NF2: variants seen among roughly 807,000 people sequenced by gnomAD.
The protein encoded by NF2 is merlin.
Under a neutral mutation model 83.7 loss-of-function variants are expected in NF2, and 8 were observed. The ratio of observed to expected loss-of-function variants is 0.10; its 90% CI spans 0.06 to 0.17. The LOEUF is 0.17. Among genes scored for constraint, NF2 ranks in the 10% least tolerant of loss-of-function variants. The pLI, the probability that NF2 is intolerant of heterozygous loss-of-function variation, is 1.00. For synonymous variants in NF2, 266 were observed against 269.6 expected (o/e 0.99, Z 0.13); for missense variants, 533 against 744.4 (o/e 0.72, Z 3.31).
chr22:29,606,105 C>A (rs921885009), intron 1 of NF2, among the ~76,000 whole-genome samples: 1 of 152,212 alleles, frequency 6.6e-6, no homozygotes, highest in Non-Finnish European at 1.5e-5. Context: ...CAGGCTTGCG[C>A]CACCATGTCT....
At chr22:29,618,003 A>T (rs578014755) in intron 1 of NF2, among the ~76,000 whole-genome samples, 160 of 152,352 alleles carry the variant, frequency 1.1e-3, no homozygotes, top group African/African-American at 3.7e-3. Flanking sequence ...TGGAATGCAT[A>T]GTCCCTGGCA....
intron 14 of NF2, among the ~76,000 whole-genome samples, chr22:29,680,438 GA>G (rs745878494): frequency 1.2e-4 from 19 of 152,212 alleles, no homozygotes; most frequent in Non-Finnish European, 2.5e-4. Context: ...TATGAATTTT[GA>G]AGACACGAAC....
At chr22:29,682,767 C>G (rs1188481974) in intron 15 of NF2, among the ~76,000 whole-genome samples, 5 of 152,172 alleles carry the variant, frequency 3.3e-5, no homozygotes, top group African/African-American at 4.8e-5. Context: ...CATCTCACCC[C>G]TTACCCCCAG....
rs1318882444 is a variant in NF2 at position 29,674,859 on chromosome 22, A to G, written c.1364A>G (p.Lys455Arg). The change falls in exon 13 of 16, where the codon AAG becomes AGG. Residue 455 changes from lysine (K) to arginine (R), a missense_variant. By Grantham distance (26) the Lys-to-Arg change is conservative. Around this residue, in one of 3 missense-constraint regions of NF2, gnomAD observed 199 missense variants for 240.7 expected, o/e 0.83. Coordinates refer to ENST00000338641, the MANE Select transcript of NF2 (RefSeq NM_000268.4). ...AGGGCCAAAGAGGCAGATCAGCTGA[A>G]GCAGGACCTGCAGGAAGCACGCGAG... ...ERRAKEADQL[K>R]QDLQEAREAE... The G allele has an allele frequency of 5.8e-6, 9 of 1,563,686 alleles. No individual in the cohort carries two copies. The South Asian group carries it at 9.4e-5, about 16-fold the overall frequency.
At chr22:29,609,377 G>A in intron 1 of NF2, 1 of 582,674 alleles carries the variant, frequency 1.7e-6, no homozygotes, top group South Asian at 1.6e-5. Flanking sequence ...CCATAGGTGT[G>A]CAGAGGCGAA....
intron 4 of NF2, among the ~76,000 whole-genome samples, chr22:29,648,715 C>T (rs1356841608): frequency 6.6e-6 from 1 of 152,242 alleles, no homozygotes; most frequent in Non-Finnish European, 1.5e-5. Flanking sequence ...CTCCCAGGCT[C>T]AAGGGATCCT....
chr22:29,681,003 C>T (rs965519109), intron 14 of NF2, among the ~76,000 whole-genome samples: 5 of 151,768 alleles, frequency 3.3e-5, no homozygotes, highest in Non-Finnish European at 7.4e-5. Context: ...TGTAGAGCCC[C>T]CTATGAGAAT....
chr22:29,604,518 GA>G (rs958649914), intron 1 of NF2, among the ~76,000 whole-genome samples: 2 of 151,682 alleles, frequency 1.3e-5, no homozygotes, highest in African/African-American at 2.4e-5. Context: ...CATATTCTGG[GA>G]AAAAAAACCC....
At chr22:29,668,120 C>T (rs1314779060) in intron 9 of NF2, among the ~76,000 whole-genome samples, 2 of 152,082 alleles carry the variant, frequency 1.3e-5, no homozygotes, top group Non-Finnish European at 2.9e-5. Flanking sequence ...ATGATTTTTA[C>T]CTCCTGGCAT....
chr22:29,677,956 G>A (rs1454902998), intron 13 of NF2, among the ~76,000 whole-genome samples: 2 of 142,652 alleles, frequency 1.4e-5, no homozygotes, highest in Non-Finnish European at 3.2e-5. Flanking sequence ...TGAGCATGAA[G>A]AACGGTTAGA....
chr22:29,631,128 C>T (rs575432921), intron 1 of NF2, among the ~76,000 whole-genome samples: 1 of 152,306 alleles, frequency 6.6e-6, no homozygotes, highest in Non-Finnish European at 1.5e-5. Context: ...GCTGCATATT[C>T]AGTACTGCAT....
intron 4 of NF2, among the ~76,000 whole-genome samples, chr22:29,644,656 C>T (rs1029615193): frequency 4.0e-5 from 6 of 151,468 alleles, no homozygotes; most frequent in Middle Eastern, 3.4e-3. Flanking sequence ...AACGAGACTC[C>T]GTCTGCAATC....
chr22:29,649,785 A>G (rs2066092201), intron 4 of NF2, among the ~76,000 whole-genome samples: 1 of 151,728 alleles, frequency 6.6e-6, no homozygotes, highest in Non-Finnish European at 1.5e-5. Flanking sequence ...GGTACAAAAA[A>G]AAAAAAGAAA....
intron 1 of NF2, among the ~76,000 whole-genome samples, chr22:29,617,149 G>T (rs1174966428): frequency 1.3e-5 from 2 of 152,098 alleles, no homozygotes; most frequent in Non-Finnish European, 2.9e-5. Flanking sequence ...GGCTGATCTT[G>T]AACTCCTGAC....
At chr22:29,644,060 C>T (rs60273085) in intron 4 of NF2, among the ~76,000 whole-genome samples, 3 of 150,540 alleles carry the variant, frequency 2.0e-5, no homozygotes, top group Non-Finnish European at 4.4e-5. Flanking sequence ...GGCTGCCGGG[C>T]GGAGACGCTC....
chr22:29,671,972 C>A (rs767608957), intron 11 of NF2, 24 bp downstream of exon 11: 1 of 1,614,094 alleles, frequency 6.2e-7, no homozygotes, highest in South Asian at 1.1e-5. Flanking sequence ...GGCTGGGGTT[C>A]CAGGAGGCTA....
chr22:29,694,376 A>G lies in NF2; in HGVS notation c.1738-376A>G, dbSNP rs564903711. Among the ~76,000 whole-genome samples, 1 of 152,322 alleles carries G rather than the reference A, an allele frequency of 6.6e-6. No homozygotes were observed. The highest frequency in any genetic ancestry group is 1.5e-5 in the Non-Finnish European group (1 of 68,036). On this transcript the variant is annotated intron_variant, in intron 15 of 15. Coordinates refer to ENST00000338641, the MANE Select transcript of NF2 (RefSeq NM_000268.4). This position sits in a 1 kb window ranked among gnomAD's most constrained non-coding sequence, Gnocchi z 4.1. ...AAGCCCGGAGGGGATGAGCAGCCTC[A>G]GCTGGTGCCGCCACAGACAGCACAC...
intron 1 of NF2, among the ~76,000 whole-genome samples, chr22:29,614,542 A>G (rs1018650668): frequency 4.8e-5 from 7 of 146,054 alleles, no homozygotes; most frequent in African/African-American, 1.8e-4. Context: ...AGATCGCACT[A>G]CTGCACTCCG....
intron 1 of NF2, among the ~76,000 whole-genome samples, chr22:29,618,608 A>G (rs1369858815): frequency 1.3e-5 from 2 of 152,216 alleles, no homozygotes; most frequent in African/African-American, 4.8e-5. Context: ...CTAAACGGCT[A>G]TGTTATTTCT....
Sources: allele counts gnomAD v4.1 joint callset (sites outside exome capture counted in the v4.1 genomes callset), GRCh38; gene constraint gnomAD v4.1.1; regional missense constraint gnomAD v4.1.1; non-coding constraint Gnocchi (gnomAD v3.1); transcripts MANE v1.5; gene names NCBI Gene and HGNC (gene_info 2026-07-23, HGNC 2026-07-21).